The following WDR7 variants were observed in gnomAD, a reference collection of about 807,000 sequenced individuals.
The protein encoded by WDR7 is WD repeat domain 7.
Under a neutral mutation model 169.4 loss-of-function variants are expected in WDR7, and 46 were observed. That is an observed-to-expected ratio of 0.27 (90% CI 0.21 to 0.35). The LOEUF (loss-of-function observed/expected upper bound fraction) is 0.35, where lower values mean the gene tolerates loss of function less well. Ranked by LOEUF, WDR7 falls within the 10% of genes least tolerant of loss-of-function variation. The probability of loss-of-function intolerance (pLI) is 1.00; values close to 1 mark genes in which losing one functional copy is unlikely to be tolerated. For missense variants in WDR7, 1,534 were observed against 1,859.3 expected (o/e 0.83, Z 3.22); for synonymous variants, 612 against 666.8 (o/e 0.92, Z 1.27).
At position 56,694,666 on chromosome 18, in the gene WDR7, A is replaced by C. The variant is rs1376645787; in HGVS notation, c.1014A>C (p.Glu338Asp). ...PVTRFFYGCR[E>D]YFHKLLIQGD... is the part of the protein sequence containing the mutation. Reference sequence around the variant, plus strand: ...CTCGGTTCTTCTATGGATGCAGAGAATATTTCCATAAACTGTTAATTCAGG... The same window carrying C: ...CTCGGTTCTTCTATGGATGCAGAGACTATTTCCATAAACTGTTAATTCAGG... The change falls in exon 10 of 28, where the codon GAA becomes GAC. Residue 338 changes from glutamate to aspartate, a missense_variant. Physicochemically the swap from Glu to Asp is conservative, Grantham distance 45. Transcript: ENST00000254442. 6.2e-7 allele frequency: 1 copy of C among 1,613,250 alleles called. No homozygotes were observed. The highest frequency in any genetic ancestry group is 1.1e-5 in the South Asian group (1 of 90,970).
intron 21 of WDR7, among the ~76,000 whole-genome samples, chr18:56,909,481 G>C (rs540371145): frequency 3.2e-4 from 48 of 152,158 alleles, no homozygotes; most frequent in Non-Finnish European, 6.0e-4. Context: ...AATTATTATA[G>C]AAATAATTAT....
intron 19 of WDR7, among the ~76,000 whole-genome samples, chr18:56,815,754 G>A (rs1290782156): frequency 3.3e-5 from 5 of 152,222 alleles, no homozygotes; most frequent in African/African-American, 9.6e-5. Context: ...GAAAGGAATC[G>A]AGTAAAAAAT....
rs138378894 is a variant in WDR7 at position 56,998,668 on chromosome 18, A to G, written c.4165-22077A>G. Among the ~76,000 whole-genome samples the G allele has an allele frequency of 2.3e-3, 347 of 152,334 alleles. 2 individuals are homozygous for G. The highest frequency in any genetic ancestry group is 4.4e-3 in the Admixed American group (67 of 15,300). On this transcript the variant is annotated intron_variant, in intron 26 of 27. Transcript: ENST00000254442. ...ATCAAATGATACAATAACTGTTAAA[A>G]TCTTTGTAAAATGTCATTATACAAA...
intron 26 of WDR7, among the ~76,000 whole-genome samples, chr18:56,992,616 A>G (rs2047834539): frequency 6.6e-6 from 1 of 152,216 alleles, no homozygotes; most frequent in Non-Finnish European, 1.5e-5. Flanking sequence ...CACGGAACAT[A>G]TAACGGTAAT....
intron 20 of WDR7, among the ~76,000 whole-genome samples, chr18:56,830,621 G>T (rs1024022793): frequency 6.6e-6 from 1 of 152,186 alleles, no homozygotes; most frequent in Non-Finnish European, 1.5e-5. Context: ...GATACTAAGG[G>T]TGTCTGACTC....
At chr18:56,693,149 GTTAA>G (rs1382912024) in intron 9 of WDR7, among the ~76,000 whole-genome samples, 1 of 152,164 alleles carries the variant, frequency 6.6e-6, no homozygotes, top group African/African-American at 2.4e-5. Context: ...GCTTTTAGCT[GTTAA>G]TTACTGTATT....
chr18:56,920,087 C>T (rs1335804235), intron 21 of WDR7, among the ~76,000 whole-genome samples: 1 of 152,122 alleles, frequency 6.6e-6, no homozygotes, highest in African/African-American at 2.4e-5. Context: ...CTTCCCCAAC[C>T]ATACATACAC....
At chr18:56,990,683 A>T (rs981592654) in intron 26 of WDR7, among the ~76,000 whole-genome samples, 1 of 152,204 alleles carries the variant, frequency 6.6e-6, no homozygotes. Context: ...GAGTTGATGT[A>T]AATGTTTATA....
At chr18:56,790,264 A>G (rs1006539225) in intron 19 of WDR7, among the ~76,000 whole-genome samples, 1 of 152,200 alleles carries the variant, frequency 6.6e-6, no homozygotes, top group Non-Finnish European at 1.5e-5. Flanking sequence ...AGCTGAGTTG[A>G]TAATCTTGTG....
chr18:56,940,308 A>G (rs1022878991), intron 25 of WDR7, among the ~76,000 whole-genome samples: 1 of 152,206 alleles, frequency 6.6e-6, no homozygotes, highest in Admixed American at 6.5e-5. Context: ...ATTACCTGCT[A>G]TGCAAATGTA....
chr18:56,930,953 G>A (rs541304598), intron 22 of WDR7, among the ~76,000 whole-genome samples: 10 of 152,280 alleles, frequency 6.6e-5, no homozygotes, highest in African/African-American at 2.4e-4. Context: ...CTTTCACCAC[G>A]ATGGAGTGAG....
At chr18:56,952,406 T>A (rs2047195912) in intron 25 of WDR7, among the ~76,000 whole-genome samples, 3 of 152,242 alleles carry the variant, frequency 2.0e-5, no homozygotes, top group Non-Finnish European at 4.4e-5. Flanking sequence ...CTTACAAATA[T>A]ATGATTACCA....
rs1264250034 is a variant in WDR7, at chr18:57,027,174, C to G, written c.4440C>G (p.Ala1480=). The change falls in exon 28 of 28, where the codon GCC becomes GCG. Residue 1480 remains alanine, a synonymous_variant. Coordinates refer to ENST00000254442, the MANE Select transcript of WDR7 (RefSeq NM_015285.3). The part of the protein sequence containing the change: ...WTSNRNVILM[A]HDGKEHRFMV ...CCAACCGCAACGTCATCCTCATGGC[C>G]CATGACGGGAAGGAGCACCGCTTCA... 1 of 1,613,888 alleles carries G rather than the reference C, an allele frequency of 6.2e-7. No homozygotes were observed. The highest frequency in any genetic ancestry group is 8.5e-7 in the Non-Finnish European group (1 of 1,179,984).
chr18:56,837,785 C>A (rs1568223990), intron 20 of WDR7, among the ~76,000 whole-genome samples: 2 of 152,086 alleles, frequency 1.3e-5, no homozygotes. Context: ...CTCAGCCTCC[C>A]AAGTAGCTGG....
intron 1 of WDR7, among the ~76,000 whole-genome samples, chr18:56,654,362 C>T (rs1178182903): frequency 1.3e-5 from 2 of 152,166 alleles, no homozygotes; most frequent in Non-Finnish European, 2.9e-5. Flanking sequence ...GATCTCTTGA[C>T]CTTGTGATCT....
At chr18:57,035,844 A>AG in the WDR7 span, 1 of 152,264 alleles carries the variant, frequency 6.6e-6, no homozygotes, top group Non-Finnish European at 1.5e-5. Context: ...GCAGCCAACA[A>AG]GGGTATTGTT....
At chr18:57,012,451 G>GGGGT (rs1555725750) in intron 26 of WDR7, among the ~76,000 whole-genome samples, 1 of 151,898 alleles carries the variant, frequency 6.6e-6, no homozygotes, top group Non-Finnish European at 1.5e-5. Flanking sequence ...GGGAGTCTAG[G>GGGGT]GGTTCTGCGA....
At chr18:56,882,108 C>T (rs115403614) in intron 21 of WDR7, among the ~76,000 whole-genome samples, 84 of 152,336 alleles carry the variant, frequency 5.5e-4, no homozygotes, top group African/African-American at 1.9e-3. Flanking sequence ...TACCTCCCCA[C>T]TCGGGCTTAT....
intron 26 of WDR7, among the ~76,000 whole-genome samples, chr18:56,962,753 A>C (rs1321658999): frequency 6.6e-6 from 1 of 152,196 alleles, no homozygotes; most frequent in Non-Finnish European, 1.5e-5. Flanking sequence ...AGCCCAGAGT[A>C]AGGTGGCACT....
Sources: allele counts gnomAD v4.1 joint callset (sites outside exome capture counted in the v4.1 genomes callset), GRCh38; gene constraint gnomAD v4.1.1; transcripts MANE v1.5; gene names NCBI Gene and HGNC (gene_info 2026-07-23, HGNC 2026-07-21).